The following DRC8 variants were observed in gnomAD, a reference collection of about 807,000 sequenced individuals.
DRC8 encodes the protein dynein regulatory complex subunit 8.
At chr1:245,055,585 A>G in the DRC8 span, among the ~76,000 whole-genome samples, 1 of 151,940 alleles carries the variant, frequency 6.6e-6, no homozygotes, top group African/African-American at 2.4e-5. Context: ...AGCCTCCCAG[A>G]GTGCTGGGAT....
At chr1:245,087,816 A>T in the DRC8 span, 1 of 861,840 alleles carries the variant, frequency 1.2e-6, no homozygotes. Flanking sequence ...AAGGTGATTT[A>T]TCAAAATAAA....
At chr1:245,106,871 C>T in the DRC8 span, among the ~76,000 whole-genome samples, 1 of 152,164 alleles carries the variant, frequency 6.6e-6, no homozygotes, top group Non-Finnish European at 1.5e-5. Context: ...TGGCAAAACC[C>T]CGTCTCTACT....
At chr1:245,033,130 G>A in the DRC8 span, among the ~76,000 whole-genome samples, 1 of 152,338 alleles carries the variant, frequency 6.6e-6, no homozygotes, top group Admixed American at 6.5e-5. Context: ...TACTGCATGC[G>A]AAGGAGCAGC....
chr1:245,018,391 G>A, the DRC8 span, among the ~76,000 whole-genome samples: 2 of 152,186 alleles, frequency 1.3e-5, no homozygotes, highest in East Asian at 3.9e-4. Flanking sequence ...ACTGTTTGAT[G>A]CTTATAAACC....
chr1:244,989,063 T>G, the DRC8 span, among the ~76,000 whole-genome samples: 1 of 152,202 alleles, frequency 6.6e-6, no homozygotes, highest in Non-Finnish European at 1.5e-5. Context: ...AAGTACAATG[T>G]TAATAAAGTA....
At chr1:245,061,195 A>C in the DRC8 span, among the ~76,000 whole-genome samples, 1 of 152,226 alleles carries the variant, frequency 6.6e-6, no homozygotes, top group East Asian at 1.9e-4. Flanking sequence ...TCACATCTGC[A>C]AAAGGAGTAT....
chr1:245,018,971 A>G, the DRC8 span, among the ~76,000 whole-genome samples: 2 of 152,162 alleles, frequency 1.3e-5, no homozygotes, highest in African/African-American at 4.8e-5. Flanking sequence ...CCTACTCTTT[A>G]GAGACATCAG....
At chr1:245,099,364 G>A in the DRC8 span, among the ~76,000 whole-genome samples, 1 of 152,218 alleles carries the variant, frequency 6.6e-6, no homozygotes, top group South Asian at 2.1e-4. Context: ...GAGACTAGAG[G>A]AGAGAAAGCT....
the DRC8 span, among the ~76,000 whole-genome samples, chr1:245,026,515 T>C: frequency 6.6e-6 from 1 of 152,202 alleles, no homozygotes; most frequent in African/African-American, 2.4e-5. Flanking sequence ...ACAGTTATTA[T>C]CTGAGAAAGC....
the DRC8 span, among the ~76,000 whole-genome samples, chr1:245,008,855 G>GTC: frequency 6.6e-6 from 1 of 150,646 alleles, no homozygotes. Flanking sequence ...AAAAAATTTT[G>GTC]TGTGTGTGTG....
chr1:245,031,695 T>C, the DRC8 span, among the ~76,000 whole-genome samples: 67 of 152,220 alleles, frequency 4.4e-4, no homozygotes, highest in Middle Eastern at 0.01. Flanking sequence ...GCATTATTGA[T>C]TTTGCTCCAC....
chr1:245,078,774 A>G, the DRC8 span, among the ~76,000 whole-genome samples: 6 of 152,234 alleles, frequency 3.9e-5, no homozygotes, highest in African/African-American at 4.8e-5. Context: ...TAATTATTCT[A>G]TACTTGAAAT....
chr1:245,059,319 A>T, the DRC8 span: 6 of 1,092,456 alleles, frequency 5.5e-6, no homozygotes, highest in Non-Finnish European at 8.2e-6. Flanking sequence ...GCTCTGAGAT[A>T]ATTTGGAGAA....
chr1:244,971,856 T>G, the DRC8 span, among the ~76,000 whole-genome samples: 1 of 151,936 alleles, frequency 6.6e-6, no homozygotes, highest in Admixed American at 6.6e-5. Context: ...AAGCCAGGAT[T>G]ATTTTGTAGG....
At chr1:245,070,333 T>C in the DRC8 span, among the ~76,000 whole-genome samples, 2 of 152,240 alleles carry the variant, frequency 1.3e-5, no homozygotes, top group African/African-American at 4.8e-5. Flanking sequence ...GAATATTCCA[T>C]ATTACATATC....
the DRC8 span, among the ~76,000 whole-genome samples, chr1:245,069,287 A>T: frequency 6.6e-6 from 1 of 152,228 alleles, no homozygotes; most frequent in Admixed American, 6.5e-5. Context: ...CAATAAAGTA[A>T]GCCAGAGTAA....
At chr1:244,980,839 G>T in the DRC8 span, among the ~76,000 whole-genome samples, 1 of 152,172 alleles carries the variant, frequency 6.6e-6, no homozygotes, top group Non-Finnish European at 1.5e-5. Context: ...CTCTGTAAGT[G>T]GTTGTAGTCT....
the DRC8 span, among the ~76,000 whole-genome samples, chr1:245,046,223 T>G: frequency 6.6e-6 from 1 of 152,222 alleles, no homozygotes; most frequent in Non-Finnish European, 1.5e-5. Context: ...TTCTTTCTTT[T>G]ATTTTCATCA....
chr1:245,109,432 C>T, the DRC8 span, among the ~76,000 whole-genome samples: 2 of 152,148 alleles, frequency 1.3e-5, no homozygotes, highest in East Asian at 3.9e-4. Flanking sequence ...TTCTGGCCTC[C>T]TCCCCTGCAC....
Sources: gnomAD v4.1 joint callset for allele counts (sites outside exome capture counted in the v4.1 genomes callset) on GRCh38, gnomAD v4.1.1 for gene constraint, MANE v1.5 for transcripts, NCBI Gene and HGNC (gene_info 2026-07-23, HGNC 2026-07-21) for gene names.